The following DGKB variants were observed in gnomAD, a reference collection of about 807,000 sequenced individuals.
The protein encoded by DGKB is diacylglycerol kinase beta.
Under a neutral mutation model 114.3 loss-of-function variants are expected in DGKB, and 67 were observed. The observed-to-expected ratio is 0.59, with a 90% CI of 0.48 to 0.72. The LOEUF (loss-of-function observed/expected upper bound fraction) is 0.72, where lower values mean the gene tolerates loss of function less well. DGKB is among the 30% of genes least tolerant of loss of function. The pLI is 0.00. For missense variants in DGKB, 907 were observed against 975.2 expected (o/e 0.93, Z 0.93); for synonymous variants, 398 against 323.1 (o/e 1.23, Z -2.49).
chr7:14,607,714 C>G (rs1023056602), intron 16 of DGKB, among the ~76,000 whole-genome samples: 1 of 151,806 alleles, frequency 6.6e-6, no homozygotes, highest in African/African-American at 2.4e-5. Flanking sequence ...GGCTTAGTAG[C>G]CACTATTAAG....
intron 13 of DGKB, among the ~76,000 whole-genome samples, chr7:14,662,122 G>A (rs1202158079): frequency 6.6e-6 from 1 of 151,924 alleles, no homozygotes; most frequent in Non-Finnish European, 1.5e-5. Flanking sequence ...GAGTTAGTGG[G>A]TGCAGCGCAC....
intron 20 of DGKB, among the ~76,000 whole-genome samples, chr7:14,572,050 A>C (rs1039758123): frequency 2.0e-5 from 3 of 152,332 alleles, no homozygotes; most frequent in African/African-American, 7.2e-5. Flanking sequence ...GGAAATAACA[A>C]GCAAACAAAC....
intron 20 of DGKB, among the ~76,000 whole-genome samples, chr7:14,573,971 T>C (rs1798754877): frequency 6.6e-6 from 1 of 152,112 alleles, no homozygotes; most frequent in Non-Finnish European, 1.5e-5. Context: ...GAATATAGTT[T>C]TTTTCCTTTG....
intron 19 of DGKB, 118 bp downstream of exon 19, chr7:14,580,744 C>A: frequency 1.6e-6 from 1 of 618,906 alleles, no homozygotes. Context: ...ATTATATATA[C>A]CACATCAGTT....
At position 14,673,044 on chromosome 7, in the gene DGKB, G is replaced by A. The variant is rs142773874; in HGVS notation, c.1036-17C>T. 2,750 of 1,477,982 alleles carry A rather than the reference G, an allele frequency of 1.9e-3. 73 individuals carry two copies. The Admixed American group carries it at 0.045, about 24-fold the overall frequency. 91.6% of individuals were successfully genotyped at this position (1,477,982 alleles called of 1,614,324 possible). ...ATTATGCAGCTAGAAAAACAGAAAGGGGGATAGTATCAAATTCTACATGAC... is the reference window on the plus strand; with the variant it reads ...ATTATGCAGCTAGAAAAACAGAAAGAGGGATAGTATCAAATTCTACATGAC... On this transcript the variant is annotated splice_polypyrimidine_tract_variant and intron_variant, in intron 12 of 25. Transcript: ENST00000402815.
chr7:14,541,025 C>A (rs553083436), intron 20 of DGKB, among the ~76,000 whole-genome samples: 41 of 152,168 alleles, frequency 2.7e-4, no homozygotes, highest in African/African-American at 9.9e-4. Context: ...CCACCAGACT[C>A]CTTCTTGATA....
intron 21 of DGKB, among the ~76,000 whole-genome samples, chr7:14,449,549 C>G (rs918830387): frequency 1.3e-5 from 2 of 151,996 alleles, no homozygotes; most frequent in African/African-American, 4.8e-5. Context: ...TCAAAAACTC[C>G]TAAAAAACCA....
intron 20 of DGKB, among the ~76,000 whole-genome samples, chr7:14,539,379 T>C (rs1169643022): frequency 7.2e-5 from 11 of 152,042 alleles, no homozygotes; most frequent in Admixed American, 6.6e-4. Flanking sequence ...CACTAATACA[T>C]GAAATAAGAT....
intron 2 of DGKB, among the ~76,000 whole-genome samples, chr7:14,819,257 A>C (rs550757311): frequency 6.6e-6 from 1 of 152,260 alleles, no homozygotes; most frequent in Non-Finnish European, 1.5e-5. Context: ...TGGATAAATA[A>C]ATAACTTTCC....
At chr7:14,888,526 A>G (rs1010449003) in intron 1 of DGKB, among the ~76,000 whole-genome samples, 11 of 151,760 alleles carry the variant, frequency 7.2e-5, no homozygotes, top group African/African-American at 2.7e-4. Context: ...GTTGCATTTC[A>G]GACTTTACAG....
intron 1 of DGKB, among the ~76,000 whole-genome samples, chr7:14,957,162 A>G (rs1422110737): frequency 1.3e-5 from 2 of 151,982 alleles, no homozygotes; most frequent in African/African-American, 2.4e-5. Context: ...GGCATAAAAA[A>G]TCTTTAAAAT....
chr7:14,891,888 G>T (rs1781289867), intron 1 of DGKB, among the ~76,000 whole-genome samples: 1 of 151,134 alleles, frequency 6.6e-6, no homozygotes, highest in East Asian at 1.9e-4. Flanking sequence ...TGAGATGAGA[G>T]ATCATAGACT....
rs62444648 is a variant in DGKB, at chr7:14,424,349, C to T, written c.1835+53812G>A. ...TCCTTGATGCTTCGTGACTATTTTC[C>T]TCCCTGTTCAAAATATTCTTCCTCC... On this transcript the variant is annotated intron_variant, in intron 21 of 25. Transcript: ENST00000402815. Among the ~76,000 whole-genome samples, 820 of 152,104 alleles carry T rather than the reference C, an allele frequency of 5.4e-3. 5 individuals are homozygous for T. The highest frequency in any genetic ancestry group is 0.017 in the Middle Eastern group (5 of 292).
At chr7:14,909,788 A>C (rs1296078153) in intron 1 of DGKB, among the ~76,000 whole-genome samples, 1 of 152,206 alleles carries the variant, frequency 6.6e-6, no homozygotes, top group Non-Finnish European at 1.5e-5. Context: ...TTTTTTTTAT[A>C]AAACATTAGC....
chr7:14,313,541 G>C (rs1327507646), intron 23 of DGKB, among the ~76,000 whole-genome samples: 1 of 152,132 alleles, frequency 6.6e-6, no homozygotes, highest in Admixed American at 6.5e-5. Flanking sequence ...GGGAAAATCG[G>C]GTCACTCCCA....
At chr7:14,176,576 C>T (rs1658063231) in intron 25 of DGKB, 1 of 1,148,434 alleles carries the variant, frequency 8.7e-7, no homozygotes, top group Admixed American at 4.3e-5. Flanking sequence ...TATAATTGAT[C>T]TATGGTTTAT....
intron 23 of DGKB, among the ~76,000 whole-genome samples, chr7:14,338,296 C>T (rs1185287585): frequency 6.6e-6 from 1 of 151,946 alleles, no homozygotes; most frequent in African/African-American, 2.4e-5. Context: ...GTGGGAAGAG[C>T]TATATACGAA....
intron 2 of DGKB, among the ~76,000 whole-genome samples, chr7:14,787,346 A>T (rs1478212423): frequency 6.6e-6 from 1 of 152,220 alleles, no homozygotes; most frequent in Admixed American, 6.5e-5. Context: ...CCTACTTATT[A>T]CACAGAAATC....
At position 14,902,725 on chromosome 7, in the gene DGKB, C is replaced by T. The variant is rs1290197744; in HGVS notation, c.-321G>A. The T allele has an allele frequency of 2.6e-5, 4 of 152,234 alleles. No homozygotes were observed. Among genetic ancestry groups the T allele is most frequent in the Non-Finnish European group, 2.9e-5 (2 of 68,124 alleles). The allele number at this position is 152,234 out of a possible 1,614,324, so 9.4% of individuals were successfully genotyped here. A position where few individuals can be genotyped will look rare whatever the true frequency, so the allele number is the denominator to read the frequency against. On this transcript the variant is annotated 5_prime_UTR_variant, in exon 1 of 26. Coordinates refer to ENST00000402815, the MANE Select transcript of DGKB (RefSeq NM_001350709.2). ...GCTCCCGGCACAGTAAGAAGGCTCC[C>T]ACACAGCTCGGCTTCCCCAGAGGAG...
Sources: gnomAD v4.1 joint callset for allele counts (sites outside exome capture counted in the v4.1 genomes callset) on GRCh38, gnomAD v4.1.1 for gene constraint, MANE v1.5 for transcripts, NCBI Gene and HGNC (gene_info 2026-07-23, HGNC 2026-07-21) for gene names.